Variants in NRCAM observed in about 807,000 individuals in gnomAD.
NRCAM encodes neuronal cell adhesion molecule, also known as NgCAM-related cell adhesion molecule.
Under a neutral mutation model 156.5 loss-of-function variants are expected in NRCAM, and 83 were observed. That is an observed-to-expected ratio of 0.53 (90% confidence interval 0.44 to 0.64). The LOEUF (loss-of-function observed/expected upper bound fraction) is 0.64. Ranked by LOEUF, NRCAM falls within the 30% of genes least tolerant of loss-of-function variation. The pLI, the probability that NRCAM is intolerant of heterozygous loss-of-function variation, is 0.00. For synonymous variants in NRCAM, 538 were observed against 563.9 expected, an observed-to-expected ratio of 0.95 and a Z score of 0.65; for missense variants, 1,417 against 1,597.3, an observed-to-expected ratio of 0.89 and a Z score of 1.92.
At chr7:108,424,742 T>C (rs1814774319) in intron 1 of NRCAM, among the ~76,000 whole-genome samples, 1 of 152,226 alleles carries the variant, frequency 6.6e-6, no homozygotes, top group Non-Finnish European at 1.5e-5. Flanking sequence ...GAAACTGACC[T>C]GTCTTTAAAA....
intron 3 of NRCAM, among the ~76,000 whole-genome samples, chr7:108,301,851 A>C (rs1000983951): frequency 2.6e-5 from 4 of 152,154 alleles, no homozygotes; most frequent in African/African-American, 9.7e-5. Flanking sequence ...AGTACATACG[A>C]ATTCCCTCTG....
At chr7:108,399,171 TTGTGTGTGTG>T (rs142946755) in intron 2 of NRCAM, among the ~76,000 whole-genome samples, 2 of 150,152 alleles carry the variant, frequency 1.3e-5, no homozygotes, top group African/African-American at 2.4e-5. Flanking sequence ...GTGTGTGTGT[TTGTGTGTGTG>T]TGTGTGTATG....
intron 8 of NRCAM, among the ~76,000 whole-genome samples, chr7:108,228,271 G>C (rs1330351242): frequency 6.6e-6 from 1 of 151,952 alleles, no homozygotes; most frequent in Non-Finnish European, 1.5e-5. Flanking sequence ...GCAGTGAGCT[G>C]AGATTGTGCC....
intron 3 of NRCAM, among the ~76,000 whole-genome samples, chr7:108,265,411 T>C (rs1182000834): frequency 1.3e-5 from 2 of 152,176 alleles, no homozygotes; most frequent in Admixed American, 1.3e-4. Flanking sequence ...CACAGCTTTT[T>C]TGGGGTCTAT....
intron 1 of NRCAM, among the ~76,000 whole-genome samples, chr7:108,406,878 T>A (rs1010920286): frequency 1.3e-5 from 2 of 152,244 alleles, no homozygotes; most frequent in Non-Finnish European, 1.5e-5. Context: ...TGCATACTAG[T>A]ATGAAGCTAG....
chr7:108,427,543 G>A (rs1818921693), intron 1 of NRCAM, among the ~76,000 whole-genome samples: 1 of 152,144 alleles, frequency 6.6e-6, no homozygotes, highest in Non-Finnish European at 1.5e-5. Flanking sequence ...CTTTTATGAA[G>A]ATTAACAATT....
At chr7:108,193,596 A>G (rs1032972637) in intron 17 of NRCAM, among the ~76,000 whole-genome samples, 2 of 152,194 alleles carry the variant, frequency 1.3e-5, no homozygotes, top group Non-Finnish European at 2.9e-5. Context: ...TCAAAAGAAA[A>G]ACTCCCTATC....
At chr7:108,393,461 G>A (rs922610268) in intron 2 of NRCAM, among the ~76,000 whole-genome samples, 7 of 152,106 alleles carry the variant, frequency 4.6e-5, no homozygotes, top group South Asian at 2.1e-4. Context: ...GGAGTGACCC[G>A]ATTTTCCAGG....
At chr7:108,231,255 G>A in intron 7 of NRCAM, 102 bp from the exon 8 acceptor site, 2 of 714,272 alleles carry the variant, frequency 2.8e-6, no homozygotes, top group South Asian at 2.2e-5. Flanking sequence ...GAAATAATTT[G>A]TAATTTATGT....
intron 1 of NRCAM, among the ~76,000 whole-genome samples, chr7:108,412,242 T>C (rs771657625): frequency 7.3e-5 from 9 of 123,840 alleles, no homozygotes; most frequent in Non-Finnish European, 1.2e-4. Flanking sequence ...ACTTTCTAGA[T>C]TGTTGTTAAA....
At chr7:108,151,517 G>T (rs527351567) in intron 32 of NRCAM, among the ~76,000 whole-genome samples, 19 of 151,884 alleles carry the variant, frequency 1.3e-4, no homozygotes, top group Middle Eastern at 6.8e-3. Context: ...TTTTCTCCAA[G>T]AAGAAAATCT....
chr7:108,302,212 T>C (rs1488527606), intron 3 of NRCAM, among the ~76,000 whole-genome samples: 1 of 152,216 alleles, frequency 6.6e-6, no homozygotes, highest in Admixed American at 6.5e-5. Flanking sequence ...TGTACTGTTT[T>C]CCTTCATTTT....
intron 4 of NRCAM, among the ~76,000 whole-genome samples, chr7:108,239,157 T>C (rs1173740021): frequency 6.6e-6 from 1 of 152,184 alleles, no homozygotes; most frequent in Non-Finnish European, 1.5e-5. Flanking sequence ...GAAAAGTGAC[T>C]GGGTGGAACC....
chr7:108,306,919 C>T (rs1234443631), intron 3 of NRCAM, among the ~76,000 whole-genome samples: 1 of 152,044 alleles, frequency 6.6e-6, no homozygotes, highest in African/African-American at 2.4e-5. Context: ...TATTTCTTTA[C>T]AAAACTTTTG....
At chr7:108,269,869 G>C (rs2097275129) in intron 3 of NRCAM, among the ~76,000 whole-genome samples, 1 of 152,190 alleles carries the variant, frequency 6.6e-6, no homozygotes, top group Admixed American at 6.5e-5. Context: ...GTAGCAAGGA[G>C]TAAATGAAAT....
At chr7:108,447,759 C>CAT (rs1390259608) in intron 1 of NRCAM, among the ~76,000 whole-genome samples, 2 of 152,100 alleles carry the variant, frequency 1.3e-5, no homozygotes, top group Admixed American at 1.3e-4. Context: ...TATCATATTT[C>CAT]ATTTTTGTAA....
intron 1 of NRCAM, among the ~76,000 whole-genome samples, chr7:108,439,729 G>A (rs929512552): frequency 6.6e-6 from 1 of 151,110 alleles, no homozygotes; most frequent in Non-Finnish European, 1.5e-5. Context: ...AGCTACTAGG[G>A]AGGCTGAGGC....
intron 2 of NRCAM, among the ~76,000 whole-genome samples, chr7:108,385,566 T>A (rs977009664): frequency 5.3e-5 from 8 of 152,196 alleles, no homozygotes; most frequent in African/African-American, 1.9e-4. Flanking sequence ...CTGCACACAG[T>A]GTCAAGGACT....
At chr7:108,357,427 G>A (rs753616188) in intron 2 of NRCAM, among the ~76,000 whole-genome samples, 9 of 150,338 alleles carry the variant, frequency 6.0e-5, no homozygotes, top group East Asian at 2.0e-4. Context: ...TCCACCTCCC[G>A]GGTTCAAGCA....
Sources: allele counts gnomAD v4.1 joint callset (sites outside exome capture counted in the v4.1 genomes callset), GRCh38; gene constraint gnomAD v4.1.1; transcripts MANE v1.5; gene names NCBI Gene and HGNC (gene_info 2026-07-23, HGNC 2026-07-21).